The following NINL variants were observed in gnomAD, a reference collection of about 807,000 sequenced individuals.
The protein encoded by NINL is ninein-like protein.
A neutral mutation model predicts 160.3 loss-of-function variants in NINL; 153 were observed. That is an observed-to-expected ratio of 0.95 (90% CI 0.84 to 1.09). NINL has a LOEUF of 1.09. Among genes scored for constraint, NINL ranks in the 50% least tolerant of loss-of-function variants. The pLI is 0.00. For missense variants in NINL, 1,829 were observed against 1,764.0 expected, an observed-to-expected ratio of 1.04 and a Z score of -0.66; for synonymous variants, 800 against 734.8, an observed-to-expected ratio of 1.09 and a Z score of -1.43.
intron 1 of NINL, among the ~76,000 whole-genome samples, chr20:25,569,069 CA>C (rs2065026066): frequency 1.3e-5 from 2 of 151,030 alleles, no homozygotes; most frequent in African/African-American, 2.4e-5. Flanking sequence ...CCGTTTCTAC[CA>C]AAAAAATATT....
rs773252746 is a variant in NINL at position 25,476,380 on chromosome 20, GT to G, written c.2910del (p.Gln971ArgfsTer79). 11 of 1,610,724 alleles carry G rather than the reference GT, an allele frequency of 6.8e-6. No individual in the cohort carries two copies. Among genetic ancestry groups the G allele is most frequent in the Non-Finnish European group, 9.3e-6 (11 of 1,179,588 alleles). On this transcript the variant is annotated frameshift_variant, in exon 17 of 24. Transcript: ENST00000278886. LOFTEE classifies it high-confidence loss of function. ...TGAATGGCCTGTAGCCTCTCAGCCTGTCCCCTGCACGAAGCGGCCGGCCTCA... is the reference window on the plus strand; with the variant it reads ...TGAATGGCCTGTAGCCTCTCAGCCTGCCCCTGCACGAAGCGGCCGGCCTCA... ...PPLRPAASCR[G>X]QAERLQAIQE... is the part of the protein sequence containing the mutation.
Position 25,500,052 on chromosome 20 carries a change from C to T in NINL, c.1032+788G>A, listed in dbSNP as rs145170236. On this transcript the variant is annotated intron_variant, in intron 8 of 23. Coordinates refer to ENST00000278886, the MANE Select transcript of NINL (RefSeq NM_025176.6). ...CACCCACTACACCAACAGCTGTCGC[C>T]CCCTCCAGGGAATAGGGAGAGGGGG... is the stretch of plus-strand genomic sequence containing the variant. Among the ~76,000 whole-genome samples the T allele has an allele frequency of 5.2e-3, 784 of 152,088 alleles. 2 individuals carry two copies. Among genetic ancestry groups the T allele is most frequent in the Middle Eastern group, 0.017 (5 of 290 alleles).
chr20:25,471,541 AAAGCTGATC>A (rs2063094649), intron 17 of NINL, among the ~76,000 whole-genome samples: 1 of 152,186 alleles, frequency 6.6e-6, no homozygotes, highest in Non-Finnish European at 1.5e-5. Context: ...GATCCTGCGC[AAAGCTGATC>A]GCAACCTCTG....
At chr20:25,582,738 C>A (rs757827117) in intron 1 of NINL, among the ~76,000 whole-genome samples, 10 of 152,098 alleles carry the variant, frequency 6.6e-5, no homozygotes, top group Non-Finnish European at 1.2e-4. Flanking sequence ...TACAAGCATT[C>A]TTGCACACAG....
chr20:25,517,355 C>T (rs1245738499), intron 3 of NINL, among the ~76,000 whole-genome samples: 1 of 152,206 alleles, frequency 6.6e-6, no homozygotes, highest in Non-Finnish European at 1.5e-5. Flanking sequence ...CCTGGGCAGC[C>T]CTCCCTCTGA....
intron 13 of NINL, 113 bp downstream of exon 13, chr20:25,489,131 C>T (rs754880265): frequency 8.5e-6 from 9 of 1,057,384 alleles, no homozygotes; most frequent in East Asian, 4.8e-5. Context: ...CAAGCATGGC[C>T]GCAAGCAGAG....
intron 1 of NINL, among the ~76,000 whole-genome samples, chr20:25,552,233 G>C (rs2064813940): frequency 6.6e-6 from 1 of 151,410 alleles, no homozygotes; most frequent in Admixed American, 6.6e-5. Context: ...TCCAACTCAA[G>C]TTAAAAATCT....
intron 1 of NINL, among the ~76,000 whole-genome samples, chr20:25,554,732 A>T (rs1222981778): frequency 6.6e-6 from 1 of 151,648 alleles, no homozygotes; most frequent in East Asian, 1.9e-4. Flanking sequence ...ACTTGGGCCC[A>T]GGAGGTCAAG....
chr20:25,518,367 T>C (rs771858650), intron 2 of NINL, among the ~76,000 whole-genome samples: 15 of 152,250 alleles, frequency 9.9e-5, no homozygotes, highest in Non-Finnish European at 1.8e-4. Flanking sequence ...TGCTGGGCCA[T>C]AGAATGTGCC....
At chr20:25,477,173 CG>C in intron 16 of NINL, 84 bp from the exon 17 acceptor site, 3 of 1,263,244 alleles carry the variant, frequency 2.4e-6, no homozygotes, top group Non-Finnish European at 3.2e-6. Context: ...GCTGTTGCAA[CG>C]GCTGCGACCT....
intron 4 of NINL, among the ~76,000 whole-genome samples, chr20:25,512,580 GCA>G (rs1434811302): frequency 6.6e-6 from 1 of 152,124 alleles, no homozygotes; most frequent in East Asian, 1.9e-4. Flanking sequence ...CATGCCTCCT[GCA>G]CAGTCTGAGG....
chr20:25,481,932 C>T, intron 14 of NINL, 36 bp downstream of exon 14: 1 of 1,586,594 alleles, frequency 6.3e-7, no homozygotes, highest in Non-Finnish European at 8.5e-7. Context: ...CAACAGCAGG[C>T]CTTGGGTCAG....
intron 23 of NINL, 95 bp from the exon 24 acceptor site, chr20:25,453,737 C>T: frequency 8.3e-7 from 1 of 1,205,044 alleles, no homozygotes; most frequent in South Asian, 1.6e-5. Flanking sequence ...TTACGCAAAC[C>T]ACAGTTTTGG....
intron 21 of NINL, 169 bp from the exon 22 acceptor site, chr20:25,458,698 A>T: frequency 1.4e-6 from 1 of 706,094 alleles, no homozygotes; most frequent in South Asian, 1.9e-5. Context: ...TGGAATTCGG[A>T]CAGCCAGGCT....
Position 25,491,369 on chromosome 20 carries a change from C to G in NINL, c.1467G>C (p.Lys489Asn). The G allele has an allele frequency of 6.2e-7, 1 of 1,609,696 alleles. No homozygotes were observed. Among genetic ancestry groups the G allele is most frequent in the Non-Finnish European group, 8.5e-7 (1 of 1,179,476 alleles). ...CCCCTACCTTCAGGGCCAGGGTCAG[C>G]TTCTCGCGGAGGCCAGCCTCCTCAG... is the stretch of plus-strand genomic sequence containing the variant. ...LQAEEAGLRE[K>N]LTLALKENSR... The change falls in exon 11 of 24, where the codon AAG (lysine) becomes AAC (asparagine). Residue 489 changes from lysine (K) to asparagine (N), a missense_variant. Transcript: ENST00000278886.
At chr20:25,564,564 T>C (rs906052118) in intron 1 of NINL, among the ~76,000 whole-genome samples, 3 of 152,156 alleles carry the variant, frequency 2.0e-5, no homozygotes, top group African/African-American at 7.2e-5. Flanking sequence ...GTGATCTTTC[T>C]GCCTTGGCCT....
chr20:25,513,368 G>A (rs996804656), intron 3 of NINL, among the ~76,000 whole-genome samples: 3 of 152,194 alleles, frequency 2.0e-5, no homozygotes, highest in African/African-American at 7.2e-5. Flanking sequence ...ACATATAGCC[G>A]ATGATCACCT....
intron 17 of NINL, among the ~76,000 whole-genome samples, chr20:25,475,139 C>T (rs2063199945): frequency 6.6e-6 from 1 of 150,994 alleles, no homozygotes; most frequent in Non-Finnish European, 1.5e-5. Flanking sequence ...ATCCCAGCTA[C>T]TCAGGAGGCT....
chr20:25,455,784 T>C lies in NINL; in HGVS notation c.3846A>G (p.Glu1282=). The C allele has an allele frequency of 6.2e-7, 1 of 1,613,882 alleles. No individual in the cohort carries two copies. Among genetic ancestry groups the C allele is most frequent in the Non-Finnish European group, 8.5e-7 (1 of 1,179,754 alleles). ...TGGCTTTCAGCTGTTTCTCATGTTC[T>C]TCCTGCCATAAAAGAAGGTTGCAGG... ...QARRRLDAQR[E]EHEKQLKATE... Residue 1282 remains glutamate (E), a splice_region_variant and synonymous_variant, in exon 23 of 24, where the codon GAA becomes GAG. Coordinates refer to ENST00000278886, the MANE Select transcript of NINL (RefSeq NM_025176.6).
Sources: gnomAD v4.1 joint callset for allele counts (sites outside exome capture counted in the v4.1 genomes callset) on GRCh38, gnomAD v4.1.1 for gene constraint, MANE v1.5 for transcripts, NCBI Gene and HGNC (gene_info 2026-07-23, HGNC 2026-07-21) for gene names.